The following PCBP2 variants were observed in gnomAD, a reference collection of about 807,000 sequenced individuals.
The protein encoded by PCBP2 is poly(rC) binding protein 2.
A neutral mutation model predicts 50.1 loss-of-function variants in PCBP2; 4 were observed. The ratio of observed to expected loss-of-function variants is 0.08; its 90% CI spans 0.04 to 0.18. The LOEUF (loss-of-function observed/expected upper bound fraction) is 0.18. Among genes scored for constraint, PCBP2 ranks in the 10% least tolerant of loss-of-function variants. PCBP2 has a pLI of 1.00. For synonymous variants in PCBP2, 179 were observed against 168.0 expected (o/e 1.07, Z -0.51); for missense variants, 161 against 474.3 (o/e 0.34, Z 6.14).
At chr12:53,464,629 C>G (rs1318847165) in intron 8 of PCBP2, 131 bp from the exon 9 acceptor site, 2 of 1,281,184 alleles carry the variant, frequency 1.6e-6, no homozygotes, top group East Asian at 2.7e-5. Context: ...CAGCTCGTTT[C>G]AAATTGTGTC....
Position 53,467,635 on chromosome 12 carries a change from C to G in PCBP2, c.788-170C>G, listed in dbSNP as rs1592666290. Reference sequence around the variant, plus strand: ...ACCCCCTTTCTCTCCACCAGCAATTCACAGGCTTGGGTAGAGACCATCCAT... The same window carrying G: ...ACCCCCTTTCTCTCCACCAGCAATTGACAGGCTTGGGTAGAGACCATCCAT... On this transcript the variant is annotated intron_variant, in intron 11 of 14. Transcript: ENST00000546463. 3 of 660,804 alleles carry G rather than the reference C, an allele frequency of 4.5e-6. No homozygotes were observed. In the East Asian group the frequency reaches 7.7e-5, roughly 17 times the overall value. 40.9% of individuals were successfully genotyped at this position (660,804 alleles called of 1,614,324 possible).
rs1940883210 is a variant in PCBP2, at chr12:53,455,006, G to A, written c.69+137G>A. On this transcript the variant is annotated intron_variant, in intron 2 of 14. Transcript: ENST00000546463. ...AGCACATTTCCCTAATGGAGTAGAA[G>A]TGAGTGTAGTGGGAAAATGGACAGA... The A allele has an allele frequency of 5.3e-6, 4 of 760,884 alleles. No homozygotes were observed. The East Asian group carries it at 7.6e-5, about 14-fold the overall frequency. 47.1% of individuals were successfully genotyped at this position (760,884 alleles called of 1,614,324 possible).
chr12:53,462,897 A>G (rs1027438500), intron 8 of PCBP2, among the ~76,000 whole-genome samples: 3 of 152,082 alleles, frequency 2.0e-5, no homozygotes, highest in Admixed American at 1.3e-4. Flanking sequence ...TTAGAGGTCT[A>G]AATAAAAGGT....
intron 9 of PCBP2, 131 bp from the exon 10 acceptor site, chr12:53,465,801 G>T: frequency 1.4e-6 from 1 of 713,446 alleles, no homozygotes. Flanking sequence ...TCCATCTACT[G>T]CCTCAATCTC....
rs1555208277 is a variant in PCBP2 at position 53,472,007 on chromosome 12, G to GA, written c.1052+200_1052+201insA. Among the ~76,000 whole-genome samples the GA allele has an allele frequency of 1.9e-4, 29 of 150,138 alleles. 1 individual carries two copies. The highest frequency in any genetic ancestry group is 3.5e-3 in the Middle Eastern group (1 of 288). Reference sequence around the variant, plus strand: ...CAGTAAGTTTTCAAGGGGTTGGTGGGGGGGGGAGCACAGATTGCCCGCATT... The same window carrying GA: ...CAGTAAGTTTTCAAGGGGTTGGTGGGAGGGGGGAGCACAGATTGCCCGCATT... On this transcript the variant is annotated intron_variant, in intron 14 of 14. Transcript: ENST00000546463.
intron 6 of PCBP2, 114 bp downstream of exon 6, chr12:53,459,517 C>A: frequency 1.2e-6 from 1 of 811,036 alleles, no homozygotes; most frequent in Non-Finnish European, 1.9e-6. Flanking sequence ...AGTAACAGTT[C>A]TAGAGGATTA....
intron 5 of PCBP2, among the ~76,000 whole-genome samples, chr12:53,457,225 C>G (rs943309049): frequency 1.3e-5 from 2 of 151,952 alleles, no homozygotes; most frequent in East Asian, 3.9e-4. Flanking sequence ...TTTTTAAAAA[C>G]GTTTTCTTGT....
chr12:53,471,949 A>G (rs970795723), intron 14 of PCBP2, 142 bp downstream of exon 14: 76 of 495,424 alleles, frequency 1.5e-4, no homozygotes, highest in Middle Eastern at 7.1e-4. Flanking sequence ...TGCTAGCTCT[A>G]CTTTCTTAGA....
intron 6 of PCBP2, 60 bp downstream of exon 6, chr12:53,459,463 G>C: frequency 6.6e-7 from 1 of 1,511,724 alleles, no homozygotes; most frequent in Non-Finnish European, 9.0e-7. Flanking sequence ...TTGGCTCTTT[G>C]TATGGCTAGG....
chr12:53,452,858 G>C (rs1428948067), intron 1 of PCBP2: 1 of 152,136 alleles, frequency 6.6e-6, no homozygotes, highest in East Asian at 1.9e-4. Flanking sequence ...TCGAGGGAAG[G>C]GGGGGCTTTT....
At chr12:53,472,610 A>T (rs1179686681) in intron 14 of PCBP2, among the ~76,000 whole-genome samples, 1 of 152,198 alleles carries the variant, frequency 6.6e-6, no homozygotes, top group Admixed American at 6.5e-5. Flanking sequence ...TTAATAGGGA[A>T]TGTTGTCTAG....
At position 53,454,723 on chromosome 12, in the gene PCBP2, T is replaced by C. The variant is rs1206619599; in HGVS notation, c.-75-3T>C. 8.9e-7 allele frequency: 1 copy of C among 1,120,590 alleles called. No individual in the cohort carries two copies. The highest frequency in any genetic ancestry group is 1.5e-5 in the African/African-American group (1 of 65,470). The allele number at this position is 1,120,590 out of a possible 1,614,324, so 69.4% of individuals were successfully genotyped here. A position where few individuals can be genotyped will look rare whatever the true frequency, so the allele number is the denominator to read the frequency against. On this transcript the variant is annotated splice_region_variant and splice_polypyrimidine_tract_variant and intron_variant, in intron 1 of 14. Coordinates refer to ENST00000546463, the MANE Select transcript of PCBP2 (RefSeq NM_031989.5). ...TCTGATTTTGGTCATGTTTGCATTT[T>C]AGTTTTTGGCTTTCACCCCCAACCA...
At position 53,471,745 on chromosome 12, in the gene PCBP2, G is replaced by A. The variant is rs757207760; in HGVS notation, c.990G>A (p.Arg330=). 4 of 1,613,482 alleles carry A rather than the reference G, an allele frequency of 2.5e-6. No individual in the cohort carries two copies. The East Asian group carries it at 6.7e-5, about 27-fold the overall frequency. ...IANPVEGSTD[R]QVTITGSAAS... ...ACCCAGTGGAAGGATCTACTGATAG[G>A]CAGGTTACCATCACTGGATCTGCTG... Residue 330 remains arginine (R), a synonymous_variant, in exon 14 of 15, where the codon AGG becomes AGA. Coordinates refer to ENST00000546463, the MANE Select transcript of PCBP2 (RefSeq NM_031989.5).
At chr12:53,477,501 T>C (rs1371479154) in intron 14 of PCBP2, among the ~76,000 whole-genome samples, 1 of 151,636 alleles carries the variant, frequency 6.6e-6, no homozygotes, top group Non-Finnish European at 1.5e-5. Flanking sequence ...CCGACTCTAC[T>C]AAAAACATAA....
rs4790 is a variant in PCBP2 at position 53,479,582 on chromosome 12, C to T, written c.*140C>T. ...GTTTCTACACACTTTATCATCCACT[C>T]GTGATTTTTTAATTAAAGCGTTTTA... is the stretch of plus-strand genomic sequence containing the variant. On this transcript the variant is annotated 3_prime_UTR_variant, in exon 15 of 15. Coordinates refer to ENST00000546463, the MANE Select transcript of PCBP2 (RefSeq NM_031989.5). 23,353 of 595,926 alleles carry T rather than the reference C, an allele frequency of 0.039. 613 individuals carry two copies. Among genetic ancestry groups the T allele is most frequent in the Middle Eastern group, 0.056 (120 of 2,156 alleles). 36.9% of individuals were successfully genotyped at this position (595,926 alleles called of 1,614,324 possible).
At chr12:53,462,642 C>A (rs1056033183) in intron 8 of PCBP2, 75 bp downstream of exon 8, 94 of 1,198,956 alleles carry the variant, frequency 7.8e-5, no homozygotes, top group East Asian at 5.8e-4. Flanking sequence ...AGCATCACAC[C>A]AAGCCACTCT....
intron 5 of PCBP2, among the ~76,000 whole-genome samples, chr12:53,458,643 AT>A (rs3049328): frequency 0.027 from 3,370 of 123,122 alleles, 44 homozygotes; most frequent in African/African-American, 0.059. Flanking sequence ...ATTTGACTTA[AT>A]TTTTTTTTTT....
At chr12:53,478,882 T>A (rs907277342) in intron 14 of PCBP2, among the ~76,000 whole-genome samples, 23 of 151,934 alleles carry the variant, frequency 1.5e-4, no homozygotes, top group Non-Finnish European at 3.1e-4. Flanking sequence ...TTTTTTTTTT[T>A]ACCTTTAAAA....
At position 53,459,322 on chromosome 12, in the gene PCBP2, C is replaced by A; in HGVS notation, c.294C>A (p.Val98=). 6.2e-7 allele frequency: 1 copy of A among 1,612,992 alleles called. No individual in the cohort carries two copies. The highest frequency in any genetic ancestry group is 1.1e-5 in the South Asian group (1 of 90,938). Residue 98 remains valine (V), a synonymous_variant, in exon 6 of 15, where the codon GTC becomes GTA. Transcript: ENST00000546463. ...GCACAGCTGCCAGTAGACCCCCGGT[C>A]ACCCTGAGGCTGGTGGTCCCTGCTA... ...TNSTAASRPP[V]TLRLVVPASQ...
Sources: gnomAD v4.1 joint callset for allele counts (sites outside exome capture counted in the v4.1 genomes callset) on GRCh38, gnomAD v4.1.1 for gene constraint, MANE v1.5 for transcripts, NCBI Gene and HGNC (gene_info 2026-07-23, HGNC 2026-07-21) for gene names.